The following METTL15 variants were observed in gnomAD, a reference collection of about 807,000 sequenced individuals.
The protein encoded by METTL15 is 12S rRNA N(4)-cytidine methyltransferase METTL15.
In METTL15, 34 loss-of-function variants were observed where a neutral mutation model predicts 38.3. The observed-to-expected ratio is 0.89, with a 90% CI of 0.68 to 1.18. The LOEUF (loss-of-function observed/expected upper bound fraction) is 1.18. Ranked by LOEUF, METTL15 falls within the 50% of genes most tolerant of loss-of-function variation. METTL15 has a pLI of 0.00. For synonymous variants in METTL15, 162 were observed against 170.9 expected (o/e 0.95, Z 0.41); for missense variants, 438 against 498.4 (o/e 0.88, Z 1.15).
chr11:28,166,104 A>T (rs1406008365), intron 3 of METTL15, among the ~76,000 whole-genome samples: 3 of 152,214 alleles, frequency 2.0e-5, no homozygotes, highest in African/African-American at 7.2e-5. Context: ...TTTGCTGAAG[A>T]TTGCTTTGGC....
intron 6 of METTL15, among the ~76,000 whole-genome samples, chr11:28,321,420 AT>A (rs1400276380): frequency 6.6e-6 from 1 of 152,140 alleles, no homozygotes; most frequent in Admixed American, 6.6e-5. Flanking sequence ...AAGTATTATA[AT>A]TTTTTATGCT....
At chr11:28,524,440 A>G (rs1476095362) in intron 6 of METTL15, among the ~76,000 whole-genome samples, 1 of 152,258 alleles carries the variant, frequency 6.6e-6, no homozygotes, top group Admixed American at 6.5e-5. Context: ...TATCTGGGAA[A>G]TAATCTTGGG....
At chr11:28,388,598 C>T (rs1246533356) in intron 5 of METTL15, among the ~76,000 whole-genome samples, 2 of 152,064 alleles carry the variant, frequency 1.3e-5, no homozygotes, top group East Asian at 3.9e-4. Flanking sequence ...TCATGGATTA[C>T]AAGACAATAT....
intron 6 of METTL15, among the ~76,000 whole-genome samples, chr11:28,484,597 C>T (rs964138733): frequency 1.4e-4 from 22 of 152,082 alleles, no homozygotes; most frequent in Middle Eastern, 3.2e-3. Flanking sequence ...CTGCTTTTGG[C>T]TCTGCATCAT....
At chr11:28,358,644 C>G (rs755715646) in intron 4 of METTL15, among the ~76,000 whole-genome samples, 3 of 152,118 alleles carry the variant, frequency 2.0e-5, no homozygotes, top group Non-Finnish European at 4.4e-5. Context: ...TAGTACTTTT[C>G]AGTCTCTTAT....
intron 6 of METTL15, among the ~76,000 whole-genome samples, chr11:28,476,883 G>T (rs1851351298): frequency 6.6e-6 from 1 of 152,190 alleles, no homozygotes; most frequent in Non-Finnish European, 1.5e-5. Context: ...TGTGAGCAGT[G>T]AGATAATAGA....
intron 5 of METTL15, among the ~76,000 whole-genome samples, chr11:28,410,041 T>C (rs1435151184): frequency 3.3e-5 from 5 of 152,062 alleles, no homozygotes; most frequent in Admixed American, 2.6e-4. Flanking sequence ...TCCTTAAAAA[T>C]GTAACTTCTC....
chr11:28,396,693 C>G (rs1173443974), intron 5 of METTL15, among the ~76,000 whole-genome samples: 1 of 152,052 alleles, frequency 6.6e-6, no homozygotes, highest in African/African-American at 2.4e-5. Flanking sequence ...TCAATGCCAT[C>G]CCCATCAAGC....
chr11:28,499,995 G>T (rs774880783), intron 6 of METTL15, among the ~76,000 whole-genome samples: 3 of 139,692 alleles, frequency 2.1e-5, no homozygotes, highest in South Asian at 4.6e-4. Flanking sequence ...AAGGGCAGGT[G>T]GTTGGAATTG....
downstream of METTL15, among the ~76,000 whole-genome samples, chr11:28,528,348 A>G (rs1851825616): frequency 6.6e-6 from 1 of 152,222 alleles, no homozygotes. Context: ...ATACTAAGCA[A>G]TTATGTAAGG....
chr11:28,213,994 T>A (rs796415264), intron 4 of METTL15, among the ~76,000 whole-genome samples: 3 of 152,198 alleles, frequency 2.0e-5, no homozygotes, highest in African/African-American at 7.2e-5. Flanking sequence ...CATGGTAAAT[T>A]TGGAAAGTTA....
intron 5 of METTL15, among the ~76,000 whole-genome samples, chr11:28,407,717 A>G (rs1024782841): frequency 6.6e-6 from 1 of 152,218 alleles, no homozygotes; most frequent in African/African-American, 2.4e-5. Context: ...GGGAATGTAA[A>G]TTAGTTCTAC....
chr11:28,465,184 C>G (rs111380682), intron 6 of METTL15, among the ~76,000 whole-genome samples: 1 of 152,060 alleles, frequency 6.6e-6, no homozygotes, highest in East Asian at 1.9e-4. Flanking sequence ...AGTCTTTCAA[C>G]GGTAATGACC....
At chr11:28,517,530 T>A (rs1350743096) in intron 6 of METTL15, among the ~76,000 whole-genome samples, 1 of 152,182 alleles carries the variant, frequency 6.6e-6, no homozygotes, top group African/African-American at 2.4e-5. Flanking sequence ...ACTTCTTACC[T>A]GTTTACCTTT....
chr11:28,447,372 A>C (rs1465347181), intron 6 of METTL15, among the ~76,000 whole-genome samples: 1 of 152,150 alleles, frequency 6.6e-6, no homozygotes, highest in Non-Finnish European at 1.5e-5. Context: ...TATTACCCAT[A>C]AACCACTCAA....
chr11:28,415,695 G>A (rs1247436534), intron 5 of METTL15, among the ~76,000 whole-genome samples: 2 of 152,208 alleles, frequency 1.3e-5, no homozygotes, highest in Non-Finnish European at 2.9e-5. Flanking sequence ...TACTGGAAGA[G>A]TTGATTTGAT....
intron 4 of METTL15, among the ~76,000 whole-genome samples, chr11:28,215,853 G>A (rs1852841536): frequency 6.6e-6 from 1 of 152,108 alleles, no homozygotes; most frequent in African/African-American, 2.4e-5. Flanking sequence ...TGGCAACATA[G>A]TGAGACACCG....
intron 5 of METTL15, among the ~76,000 whole-genome samples, chr11:28,385,982 T>C (rs1470168236): frequency 6.6e-6 from 1 of 151,944 alleles, no homozygotes; most frequent in Non-Finnish European, 1.5e-5. Flanking sequence ...ACAAACAAAG[T>C]ATGGGGGAAA....
chr11:28,115,798 A>T (rs1851917676), intron 3 of METTL15, among the ~76,000 whole-genome samples: 1 of 151,930 alleles, frequency 6.6e-6, no homozygotes, highest in Admixed American at 6.6e-5. Context: ...TCCACAAATA[A>T]GTGGACTTTC....
Sources: allele counts gnomAD v4.1 joint callset (sites outside exome capture counted in the v4.1 genomes callset), GRCh38; gene constraint gnomAD v4.1.1; transcripts MANE v1.5; gene names NCBI Gene and HGNC (gene_info 2026-07-23, HGNC 2026-07-21).